The following SYTL2 variants were observed in gnomAD, a reference collection of about 807,000 sequenced individuals.
SYTL2 encodes the protein synaptotagmin like 2.
SYTL2 carries 165 observed loss-of-function variants against 198.7 expected under a neutral mutation model. That is an observed-to-expected ratio of 0.83 (90% confidence interval 0.73 to 0.94). The LOEUF is 0.94. Among genes scored for constraint, SYTL2 ranks in the 40% least tolerant of loss-of-function variants. SYTL2 has a pLI of 0.00. For synonymous variants in SYTL2, 966 were observed against 917.7 expected, an observed-to-expected ratio of 1.05 and a Z score of -0.95; for missense variants, 2,835 against 2,582.8, an observed-to-expected ratio of 1.10 and a Z score of -2.12.
At chr11:85,789,293 A>ATATATT (rs1555260882) in intron 1 of SYTL2, among the ~76,000 whole-genome samples, 1 of 136,306 alleles carries the variant, frequency 7.3e-6, no homozygotes, top group African/African-American at 2.7e-5. Context: ...ATATATATAT[A>ATATATT]TATTTATTTA....
At chr11:85,728,222 CT>C (rs1202732051) in intron 7 of SYTL2, among the ~76,000 whole-genome samples, 2 of 152,122 alleles carry the variant, frequency 1.3e-5, no homozygotes, top group South Asian at 2.1e-4. Context: ...CGAAAAATTT[CT>C]TTGTAGTTCC....
chr11:85,722,451 G>GGCGT (rs2088483070), intron 8 of SYTL2, among the ~76,000 whole-genome samples: 1 of 152,062 alleles, frequency 6.6e-6, no homozygotes, highest in South Asian at 2.1e-4. Flanking sequence ...TGGGATTACA[G>GGCGT]GCGTGAGCCA....
chr11:85,702,057 A>T (rs1591560508), intron 16 of SYTL2, among the ~76,000 whole-genome samples: 1 of 152,192 alleles, frequency 6.6e-6, no homozygotes, highest in East Asian at 1.9e-4. Context: ...AAGGAATGGC[A>T]CTGGAAAAAC....
chr11:85,734,491 A>C lies in SYTL2; in HGVS notation c.838T>G (p.Ser280Ala), dbSNP rs1485436562. 1.2e-6 allele frequency: 2 copies of C among 1,614,184 alleles called. No homozygotes were observed. The highest frequency in any genetic ancestry group is 3.3e-5 in the Admixed American group (2 of 60,022). Residue 280 changes from serine to alanine, a missense_variant, in exon 7 of 20, where the codon TCC (serine) becomes GCC (alanine). By Grantham distance (99) the Ser-to-Ala change is moderately conservative. Transcript: ENST00000359152. ...AGGGTTTCTGAGTCTGTGCTACTGG[A>C]ACTGGAGTTGCGCTTGAGGATCCCT... ...PRGILKRNSS[S>A]SSTDSETLRY...
chr11:85,832,043 C>T, the SYTL2 span, among the ~76,000 whole-genome samples: 4 of 152,116 alleles, frequency 2.6e-5, no homozygotes, highest in East Asian at 7.7e-4. Flanking sequence ...TCATCAAGGG[C>T]TGAAAGTTCT....
Position 85,764,323 on chromosome 11 carries a change from G to C in SYTL2, c.-389-6209C>G, listed in dbSNP as rs149675068. On this transcript the variant is annotated intron_variant, in intron 1 of 19. Transcript: ENST00000359152. ...TGAAAAAATGCGCAGGCGGTGCTAA[G>C]CCCTTTACACATATTTTAGTTTAAC... is the stretch of plus-strand genomic sequence containing the variant. Among the ~76,000 whole-genome samples, 5 of 152,294 alleles carry C rather than the reference G, an allele frequency of 3.3e-5. No individual in the cohort carries two copies. The East Asian group carries it at 7.7e-4, about 23-fold the overall frequency.
At chr11:85,750,215 C>A (rs2091432247) in intron 2 of SYTL2, among the ~76,000 whole-genome samples, 1 of 152,142 alleles carries the variant, frequency 6.6e-6, no homozygotes, top group Non-Finnish European at 1.5e-5. Context: ...CTCCTCTAAG[C>A]TTTAGTCTCC....
chr11:85,830,661 A>G, the SYTL2 span, among the ~76,000 whole-genome samples: 209 of 152,264 alleles, frequency 1.4e-3, 3 homozygotes, highest in East Asian at 0.029. Flanking sequence ...TATTTCAAAC[A>G]ATGAAGATAG....
intron 2 of SYTL2, among the ~76,000 whole-genome samples, chr11:85,755,081 C>T (rs894963888): frequency 1.3e-5 from 2 of 152,064 alleles, no homozygotes; most frequent in Non-Finnish European, 2.9e-5. Flanking sequence ...CAAAGACAAA[C>T]AGCAATGGAA....
At chr11:85,695,845 C>A (rs1036098278) in intron 19 of SYTL2, among the ~76,000 whole-genome samples, 1 of 152,116 alleles carries the variant, frequency 6.6e-6, no homozygotes, top group Non-Finnish European at 1.5e-5. Flanking sequence ...GACTGGTGCT[C>A]CAAAAATGTT....
the SYTL2 span, among the ~76,000 whole-genome samples, chr11:85,843,445 G>A: frequency 6.6e-6 from 1 of 152,240 alleles, no homozygotes; most frequent in African/African-American, 2.4e-5. Flanking sequence ...GTGGAGGCTG[G>A]TGTCATTTAC....
intron 11 of SYTL2, chr11:85,717,232 T>A: frequency 4.5e-6 from 1 of 224,074 alleles, no homozygotes; most frequent in Non-Finnish European, 8.7e-6. Flanking sequence ...AGCACAATAA[T>A]ATCAGCAATA....
chr11:85,830,188 T>C, the SYTL2 span, among the ~76,000 whole-genome samples: 77 of 152,342 alleles, frequency 5.1e-4, 2 homozygotes, highest in African/African-American at 1.7e-3. Flanking sequence ...TCTGAGTCAA[T>C]AGGGCTGTGG....
chr11:85,806,236 T>C (rs1441538301), intron 1 of SYTL2, among the ~76,000 whole-genome samples: 1 of 152,222 alleles, frequency 6.6e-6, no homozygotes, highest in African/African-American at 2.4e-5. Context: ...AAATTGTTCT[T>C]TTCATCTCCA....
the SYTL2 span, among the ~76,000 whole-genome samples, chr11:85,834,570 T>G: frequency 6.6e-6 from 1 of 152,236 alleles, no homozygotes; most frequent in South Asian, 2.1e-4. Context: ...GCAATACACC[T>G]TCGGTAGAAA....
chr11:85,784,397 T>C (rs997787614), intron 1 of SYTL2, among the ~76,000 whole-genome samples: 2 of 152,024 alleles, frequency 1.3e-5, no homozygotes, highest in Non-Finnish European at 2.9e-5. Flanking sequence ...GTAAACCTCA[T>C]TAATGTCTTG....
intron 14 of SYTL2, among the ~76,000 whole-genome samples, chr11:85,708,450 A>AATACC (rs1469021505): frequency 3.3e-5 from 5 of 152,180 alleles, no homozygotes; most frequent in Admixed American, 2.6e-4. Context: ...ATAAGTAGGG[A>AATACC]ATACCATTCA....
At chr11:85,728,518 C>T (rs896868479) in intron 7 of SYTL2, among the ~76,000 whole-genome samples, 6 of 152,124 alleles carry the variant, frequency 3.9e-5, no homozygotes, top group Admixed American at 1.3e-4. Flanking sequence ...AACTCCTGAC[C>T]TCATGATCCA....
At chr11:85,765,974 T>A (rs1422377962) in intron 1 of SYTL2, among the ~76,000 whole-genome samples, 1 of 152,074 alleles carries the variant, frequency 6.6e-6, no homozygotes, top group Non-Finnish European at 1.5e-5. Context: ...AATACAAGTA[T>A]GTCAGCTACT....
Sources: gnomAD v4.1 joint callset for allele counts (sites outside exome capture counted in the v4.1 genomes callset) on GRCh38, gnomAD v4.1.1 for gene constraint, MANE v1.5 for transcripts, NCBI Gene and HGNC (gene_info 2026-07-23, HGNC 2026-07-21) for gene names.